Variants in CNTN4 observed in about 807,000 individuals in gnomAD.
CNTN4 encodes the protein contactin-4.
CNTN4 carries 77 observed loss-of-function variants against 122.5 expected under a neutral mutation model. The ratio of observed to expected loss-of-function variants is 0.63; its 90% confidence interval spans 0.52 to 0.76. The LOEUF is 0.76. CNTN4 is among the 30% of genes least tolerant of loss of function. CNTN4 has a pLI of 0.00. For missense variants in CNTN4, 1,256 were observed against 1,259.1 expected (o/e 1.00, Z 0.04); for synonymous variants, 512 against 447.0 (o/e 1.15, Z -1.83).
intron 2 of CNTN4, among the ~76,000 whole-genome samples, chr3:2,270,931 C>T (rs924771269): frequency 1.3e-5 from 2 of 152,118 alleles, no homozygotes; most frequent in Admixed American, 1.3e-4. Flanking sequence ...TCAGTTGGTA[C>T]CTGTTCCCTC....
At chr3:2,379,972 G>T (rs79739371) in intron 3 of CNTN4, among the ~76,000 whole-genome samples, 7 of 149,982 alleles carry the variant, frequency 4.7e-5, no homozygotes, top group Non-Finnish European at 7.4e-5. Flanking sequence ...CCGGAGAATC[G>T]CTTGAACCCA....
At chr3:2,674,917 A>T (rs558444882) in intron 4 of CNTN4, among the ~76,000 whole-genome samples, 3 of 152,300 alleles carry the variant, frequency 2.0e-5, no homozygotes, top group East Asian at 3.9e-4. Flanking sequence ...AGTAGCCTCT[A>T]TTCTACTCTC....
At chr3:2,646,033 T>C (rs1247374137) in intron 4 of CNTN4, among the ~76,000 whole-genome samples, 2 of 152,226 alleles carry the variant, frequency 1.3e-5, no homozygotes, top group Non-Finnish European at 2.9e-5. Context: ...CAGAGCTTAG[T>C]ATTTGTTTGT....
intron 3 of CNTN4, among the ~76,000 whole-genome samples, chr3:2,358,182 A>G (rs1387475617): frequency 6.6e-6 from 1 of 152,184 alleles, no homozygotes; most frequent in Non-Finnish European, 1.5e-5. Flanking sequence ...ATTTCTATCT[A>G]TTTAAGATGT....
intron 4 of CNTN4, among the ~76,000 whole-genome samples, chr3:2,733,312 C>T (rs7611703): frequency 0.56 from 84,781 of 151,980 alleles, 27,473 homozygotes; most frequent in Non-Finnish European, 0.74. Flanking sequence ...AAACTTGTTG[C>T]TTTATTAGTG....
At chr3:2,654,839 C>T (rs757376874) in intron 4 of CNTN4, among the ~76,000 whole-genome samples, 1 of 152,100 alleles carries the variant, frequency 6.6e-6, no homozygotes, top group Non-Finnish European at 1.5e-5. Context: ...GTCATAGCAG[C>T]TTCTTTGCTT....
intron 6 of CNTN4, among the ~76,000 whole-genome samples, chr3:2,799,113 AT>A (rs1355833371): frequency 1.3e-5 from 2 of 151,956 alleles, no homozygotes; most frequent in Admixed American, 1.3e-4. Flanking sequence ...ATTTTTTCAT[AT>A]ATTTGTTGTC....
intron 3 of CNTN4, among the ~76,000 whole-genome samples, chr3:2,384,878 CT>C (rs995891242): frequency 2.8e-4 from 43 of 151,530 alleles, no homozygotes; most frequent in African/African-American, 9.7e-4. Flanking sequence ...GCAGATTTTT[CT>C]TTTTTGTTAG....
At chr3:2,557,750 CAAA>C (rs1161308559) in intron 3 of CNTN4, among the ~76,000 whole-genome samples, 1 of 105,972 alleles carries the variant, frequency 9.4e-6, no homozygotes, top group Non-Finnish European at 2.0e-5. Flanking sequence ...GATTCTGTCT[CAAA>C]AAAAAAAAAA....
intron 6 of CNTN4, among the ~76,000 whole-genome samples, chr3:2,772,283 A>C (rs1003848509): frequency 6.6e-6 from 1 of 151,732 alleles, no homozygotes; most frequent in Non-Finnish European, 1.5e-5. Context: ...TATCGCAGGC[A>C]AGAAATAATA....
At chr3:2,102,862 T>C (rs2032098298) in intron 2 of CNTN4, among the ~76,000 whole-genome samples, 1 of 152,132 alleles carries the variant, frequency 6.6e-6, no homozygotes, top group South Asian at 2.1e-4. Flanking sequence ...TTTATTACTA[T>C]ATGTGATATT....
At chr3:2,677,918 A>C (rs894782640) in intron 4 of CNTN4, among the ~76,000 whole-genome samples, 1 of 152,224 alleles carries the variant, frequency 6.6e-6, no homozygotes, top group Non-Finnish European at 1.5e-5. Flanking sequence ...TAAAGCATTT[A>C]ATCAGTCTGT....
At chr3:2,116,698 C>A (rs2033377318) in intron 2 of CNTN4, among the ~76,000 whole-genome samples, 1 of 152,078 alleles carries the variant, frequency 6.6e-6, no homozygotes, top group African/African-American at 2.4e-5. Context: ...TTTTCAGAAT[C>A]TTTATGTGCA....
intron 3 of CNTN4, among the ~76,000 whole-genome samples, chr3:2,509,277 C>G (rs73114224): frequency 4.9e-4 from 74 of 152,218 alleles, no homozygotes; most frequent in Admixed American, 1.4e-3. Flanking sequence ...CTGCTAAAGT[C>G]TCAATAATAA....
chr3:2,984,911 GA>G (rs545931952), intron 13 of CNTN4, among the ~76,000 whole-genome samples: 23 of 152,296 alleles, frequency 1.5e-4, no homozygotes, highest in Non-Finnish European at 3.2e-4. Context: ...TTTATAAATG[GA>G]ATGTGACTAA....
At chr3:2,132,193 A>G (rs573333836) in intron 2 of CNTN4, among the ~76,000 whole-genome samples, 1 of 152,316 alleles carries the variant, frequency 6.6e-6, no homozygotes, top group South Asian at 2.1e-4. Context: ...ATTCCTGGCC[A>G]GCCAGCTGCT....
At chr3:2,994,226 A>ATT (rs5846234) in intron 14 of CNTN4, among the ~76,000 whole-genome samples, 8,146 of 151,328 alleles carry the variant, frequency 0.054, 343 homozygotes, top group African/African-American at 0.12. Context: ...TCTAATAGCA[A>ATT]TTTTTTTTTA....
In CNTN4 at chr3:2,246,471, C is replaced by T. The variant is rs928622354; in HGVS notation, c.-144-92707C>T. Among the ~76,000 whole-genome samples, 3 of 151,898 alleles carry T rather than the reference C, an allele frequency of 2.0e-5. No individual in the cohort carries two copies. In the East Asian group the frequency reaches 5.8e-4, roughly 29 times the overall value. The stretch of plus-strand genomic sequence containing the variant: ...GTTTAACATTTGCCTTAAGTAACTT[C>T]CATAGATAGTTACTTTCATGCTGGC... On this transcript the variant is annotated intron_variant, in intron 2 of 24. Transcript: ENST00000418658.
At chr3:2,622,169 A>G (rs182970578) in intron 4 of CNTN4, among the ~76,000 whole-genome samples, 1 of 152,190 alleles carries the variant, frequency 6.6e-6, no homozygotes, top group Non-Finnish European at 1.5e-5. Context: ...TTGGTTATGT[A>G]TCCTGTACTC....
Sources: gnomAD v4.1 joint callset for allele counts (sites outside exome capture counted in the v4.1 genomes callset) on GRCh38, gnomAD v4.1.1 for gene constraint, MANE v1.5 for transcripts, NCBI Gene and HGNC (gene_info 2026-07-23, HGNC 2026-07-21) for gene names.